Variants in GRIP1 observed in about 807,000 individuals in gnomAD.
GRIP1 encodes glutamate receptor interacting protein 1.
In GRIP1, 45 loss-of-function variants were observed where a neutral mutation model predicts 129.9. The ratio of observed to expected loss-of-function variants is 0.35; its 90% CI spans 0.27 to 0.44. GRIP1 has a LOEUF of 0.44. GRIP1 is among the 20% of genes least tolerant of loss of function. GRIP1 has a pLI of 1.00. For missense variants in GRIP1, 1,196 were observed against 1,396.8 expected (o/e 0.86, Z 2.29); for synonymous variants, 530 against 520.8 (o/e 1.02, Z -0.24).
rs369230927 is a variant in GRIP1, at chr12:66,443,336, C to CT, written c.1687+1247dup. The stretch of plus-strand genomic sequence containing the variant: ...CTTTTAGTAATTTTCCATTCAATGA[C>CT]TCCCTCCTCTTCACTTTGTCCTCTG... On this transcript the variant is annotated intron_variant, in intron 13 of 24. Transcript: ENST00000359742. 1.2e-3 allele frequency among the ~76,000 whole-genome samples: 187 copies of CT among 152,226 alleles called. 2 individuals are homozygous for CT. Among genetic ancestry groups the CT allele is most frequent in the African/African-American group, 4.1e-3 (171 of 41,542 alleles).
intron 1 of GRIP1, among the ~76,000 whole-genome samples, chr12:66,746,483 G>A (rs1412379546): frequency 6.6e-6 from 1 of 152,152 alleles, no homozygotes; most frequent in African/African-American, 2.4e-5. Flanking sequence ...TGACGTTTGA[G>A]AGGCACCTTT....
intron 1 of GRIP1, among the ~76,000 whole-genome samples, chr12:66,868,454 G>A (rs2040241728): frequency 6.6e-6 from 1 of 151,992 alleles, no homozygotes; most frequent in South Asian, 2.1e-4. Flanking sequence ...TATCCTGTCT[G>A]GACAGATGAG....
intron 5 of GRIP1, among the ~76,000 whole-genome samples, chr12:66,527,640 A>T (rs188006198): frequency 1.3e-4 from 20 of 152,228 alleles, no homozygotes; most frequent in African/African-American, 4.3e-4. Flanking sequence ...AAACCTGTAC[A>T]TTGTGCACAT....
chr12:67,059,102 A>G (rs943949260), intron 1 of GRIP1, among the ~76,000 whole-genome samples: 5 of 152,242 alleles, frequency 3.3e-5, no homozygotes, highest in African/African-American at 1.2e-4. Context: ...ATTGGACCAT[A>G]GAGTGGTAAT....
chr12:67,062,603 T>A (rs534628781), intron 1 of GRIP1, among the ~76,000 whole-genome samples: 1 of 151,648 alleles, frequency 6.6e-6, no homozygotes, highest in East Asian at 1.9e-4. Flanking sequence ...TGTACAAGAG[T>A]AGAGAAGCTG....
intron 22 of GRIP1, among the ~76,000 whole-genome samples, chr12:66,375,858 A>G (rs1424017780): frequency 1.3e-5 from 2 of 152,256 alleles, no homozygotes; most frequent in Admixed American, 6.5e-5. Flanking sequence ...TCAAAAGGGA[A>G]ATATCAAAAT....
In GRIP1 at chr12:66,517,184, T is replaced by G. The variant is rs185410192; in HGVS notation, c.578+717A>C. On this transcript the variant is annotated intron_variant, in intron 6 of 24. Coordinates refer to ENST00000359742, the MANE Select transcript of GRIP1 (RefSeq NM_001366722.1). ...CAACAATCTCTAATGGCAGCAGTTGTGTTCCCCCATCATTATAGAGTCAAC... is the reference window on the plus strand; with the variant it reads ...CAACAATCTCTAATGGCAGCAGTTGGGTTCCCCCATCATTATAGAGTCAAC... Among the ~76,000 whole-genome samples, 7 of 152,298 alleles carry G rather than the reference T, an allele frequency of 4.6e-5. No individual in the cohort carries two copies. In the East Asian group the frequency reaches 1.2e-3, roughly 25 times the overall value.
chr12:66,596,646 C>T (rs2064062010), intron 2 of GRIP1, among the ~76,000 whole-genome samples: 1 of 152,180 alleles, frequency 6.6e-6, no homozygotes. Context: ...AAGATGAATT[C>T]TCACAAGTTG....
At chr12:66,791,178 G>C (rs1285301041) in intron 1 of GRIP1, among the ~76,000 whole-genome samples, 1 of 152,182 alleles carries the variant, frequency 6.6e-6, no homozygotes, top group African/African-American at 2.4e-5. Flanking sequence ...TCTGCTTTGT[G>C]TTTTGGGGAC....
intron 1 of GRIP1, chr12:66,626,870 T>G (rs1450983450): frequency 6.6e-6 from 1 of 152,420 alleles, no homozygotes; most frequent in Non-Finnish European, 1.5e-5. Context: ...TTGGCACTGA[T>G]GCTATTTTGC....
intron 1 of GRIP1, among the ~76,000 whole-genome samples, chr12:66,946,617 C>G (rs746484734): frequency 3.2e-4 from 49 of 151,954 alleles, no homozygotes; most frequent in Non-Finnish European, 5.0e-4. Context: ...GCAGGGCCCC[C>G]TTGCCAGAGC....
intron 2 of GRIP1, among the ~76,000 whole-genome samples, chr12:66,575,968 G>A (rs1258313955): frequency 1.3e-5 from 2 of 152,094 alleles, no homozygotes; most frequent in Non-Finnish European, 2.9e-5. Context: ...ATAAAGTTAA[G>A]CCAGAGAATT....
chr12:66,837,790 G>T (rs1193454643), intron 1 of GRIP1, among the ~76,000 whole-genome samples: 1 of 152,112 alleles, frequency 6.6e-6, no homozygotes, highest in African/African-American at 2.4e-5. Context: ...TGTAGTGGAA[G>T]GGTAAAGGAG....
At chr12:66,674,269 AC>A (rs1263989438) in intron 1 of GRIP1, among the ~76,000 whole-genome samples, 50 of 152,294 alleles carry the variant, frequency 3.3e-4, no homozygotes, top group South Asian at 4.1e-4. Flanking sequence ...CTAGACACAG[AC>A]AGATGGGAAA....
intron 19 of GRIP1, among the ~76,000 whole-genome samples, chr12:66,384,783 G>A (rs905921468): frequency 6.6e-6 from 1 of 152,180 alleles, no homozygotes; most frequent in African/African-American, 2.4e-5. Flanking sequence ...AGATACCTGG[G>A]TCCTGATGAC....
At chr12:66,818,421 T>C (rs942352174) in intron 1 of GRIP1, among the ~76,000 whole-genome samples, 1 of 152,208 alleles carries the variant, frequency 6.6e-6, no homozygotes, top group African/African-American at 2.4e-5. Context: ...AAGTAACAAA[T>C]GAATTCATCT....
At chr12:66,373,518 A>T (rs2137313650) in intron 22 of GRIP1, among the ~76,000 whole-genome samples, 1 of 152,326 alleles carries the variant, frequency 6.6e-6, no homozygotes, top group South Asian at 2.1e-4. Context: ...CAAAGTGAGT[A>T]GAGTTTTCAT....
intron 1 of GRIP1, among the ~76,000 whole-genome samples, chr12:66,641,532 T>C (rs912170520): frequency 1.3e-5 from 2 of 152,210 alleles, no homozygotes; most frequent in African/African-American, 2.4e-5. Flanking sequence ...CGTTTTTCTA[T>C]AAAAATTATC....
chr12:66,547,903 T>A (rs953879869), intron 2 of GRIP1, among the ~76,000 whole-genome samples: 2 of 152,172 alleles, frequency 1.3e-5, no homozygotes, highest in African/African-American at 4.8e-5. Context: ...ATATTTCTAT[T>A]GGGGAAAACA....
Sources: gnomAD v4.1 joint callset for allele counts (sites outside exome capture counted in the v4.1 genomes callset) on GRCh38, gnomAD v4.1.1 for gene constraint, MANE v1.5 for transcripts, NCBI Gene and HGNC (gene_info 2026-07-23, HGNC 2026-07-21) for gene names.